Variants in ABCB6 observed in about 807,000 individuals in gnomAD.
The protein encoded by ABCB6 is ATP binding cassette subfamily B member 6 (LAN blood group).
In ABCB6, 87 loss-of-function variants were observed where a neutral mutation model predicts 99.4. The observed-to-expected ratio is 0.88, with a 90% CI of 0.74 to 1.05. The LOEUF (loss-of-function observed/expected upper bound fraction) is 1.05, where lower values mean the gene tolerates loss of function less well. Ranked by LOEUF, ABCB6 falls within the 50% of genes least tolerant of loss-of-function variation. ABCB6 has a pLI of 0.00. For missense variants in ABCB6, 1,050 were observed against 1,097.9 expected, an observed-to-expected ratio of 0.96 and a Z score of 0.62; for synonymous variants, 482 against 447.5, an observed-to-expected ratio of 1.08 and a Z score of -0.97.
chr2:219,216,561 C>T lies in ABCB6; in HGVS notation c.868+91G>A, dbSNP rs192418113. 7.2e-5 allele frequency: 111 copies of T among 1,538,702 alleles called. No individual in the cohort carries two copies. In the African/African-American group the frequency reaches 1.2e-3, roughly 16 times the overall value. ...CCAGCCACAGTCTCTTTCTGACCACCCAGCTCTGTCCCACCTCCCTAGGTA... is the reference window on the plus strand; with the variant it reads ...CCAGCCACAGTCTCTTTCTGACCACTCAGCTCTGTCCCACCTCCCTAGGTA... On this transcript the variant is annotated intron_variant, in intron 3 of 18. Coordinates refer to ENST00000265316, the MANE Select transcript of ABCB6 (RefSeq NM_005689.4). This position sits in a 1 kb window ranked among gnomAD's most constrained non-coding sequence, Gnocchi z 4.2.
Position 219,213,263 on chromosome 2 carries a change from C to G in ABCB6, c.1783G>C (p.Val595Leu), listed in dbSNP as rs190137939. The change falls in exon 12 of 19, where the codon GTG becomes CTG. Residue 595 changes from valine (V) to leucine (L), a missense_variant. Transcript: ENST00000265316. ...CACCCATCGGCATAGCTGAAGTGCA[C>G]GTTCTCAAACTCAATACGGCCCTTC... ...FQKGRIEFEN[V>L]HFSYADGRET... The G allele has an allele frequency of 1.9e-6, 3 of 1,614,162 alleles. No individual in the cohort carries two copies. Among genetic ancestry groups the G allele is most frequent in the African/African-American group, 2.7e-5 (2 of 75,058 alleles).
chr2:219,214,894 G>A (rs1052481132), intron 6 of ABCB6, 67 bp downstream of exon 6: 7 of 1,598,938 alleles, frequency 4.4e-6, no homozygotes, highest in Non-Finnish European at 6.0e-6. Context: ...CTTGAGTGGG[G>A]GCACAGCTCA....
At chr2:219,213,143 C>T in intron 12 of ABCB6, 78 bp from the exon 13 acceptor site, 1 of 1,604,040 alleles carries the variant, frequency 6.2e-7, no homozygotes, top group Non-Finnish European at 8.5e-7. Flanking sequence ...CTCCCCTGCC[C>T]AGGCTCTTTT....
In ABCB6 at chr2:219,210,727, A is replaced by C; in HGVS notation, c.2240T>G (p.Ile747Ser). Reference sequence around the variant, plus strand: ...AGGGCGCACCTCATCCAGCAGAATGATGCCCGGAGCCTTGAGGATGGTGCG... The same window carrying C: ...AGGGCGCACCTCATCCAGCAGAATGCTGCCCGGAGCCTTGAGGATGGTGCG... ...IARTILKAPG[I>S]ILLDEATSAL... Residue 747 changes from isoleucine to serine, a missense_variant, in exon 16 of 19, where the codon ATC becomes AGC. Ile to Ser is a moderately radical substitution (Grantham distance 142). Coordinates refer to ENST00000265316, the MANE Select transcript of ABCB6 (RefSeq NM_005689.4). 1.2e-6 allele frequency: 2 copies of C among 1,613,680 alleles called. No homozygotes were observed. Among genetic ancestry groups the C allele is most frequent in the Non-Finnish European group, 1.7e-6 (2 of 1,180,008 alleles).
At chr2:219,217,920 TAAAAAA>T in intron 1 of ABCB6, 113 bp from the exon 2 acceptor site, 1 of 1,184,588 alleles carries the variant, frequency 8.4e-7, no homozygotes. Context: ...CTTACAGGCT[TAAAAAA>T]AAAAAAAAAA....
chr2:219,216,053 T>C lies in ABCB6; in HGVS notation c.1098A>G (p.Thr366=), dbSNP rs1300941931. 5.6e-6 allele frequency: 9 copies of C among 1,607,824 alleles called. No individual in the cohort carries two copies. The African/African-American group carries it at 8.0e-5, about 14-fold the overall frequency. ...LSLRWHLGRR[T]GEVLRIADRG... ...GATCCGCGATCCGCAGCACCTCCCC[T>C]GTGCGGCGCCCCAGGTGCCAGCGCA... Residue 366 remains threonine (T), a synonymous_variant, in exon 5 of 19, where the codon ACA becomes ACG. Coordinates refer to ENST00000265316, the MANE Select transcript of ABCB6 (RefSeq NM_005689.4). This position sits in a 1 kb window ranked among gnomAD's most constrained non-coding sequence, Gnocchi z 4.2.
chr2:219,214,019 C>T, intron 8 of ABCB6, 68 bp from the exon 9 acceptor site: 1 of 1,612,818 alleles, frequency 6.2e-7, no homozygotes, highest in South Asian at 1.1e-5. Flanking sequence ...CAAACCTGGG[C>T]CCAGGCCCCT....
chr2:219,218,148 C>G lies in ABCB6; in HGVS notation c.526G>C (p.Ala176Pro), dbSNP rs1410216292. Residue 176 changes from alanine (A) to proline (P), a missense_variant, in exon 1 of 19, where the codon GCA becomes CCA. By Grantham distance (27) the Ala-to-Pro change is conservative (BLOSUM62 -1). Transcript: ENST00000265316. The stretch of plus-strand genomic sequence containing the variant: ...ACCTGCTGGCCCAAGTCTGCCCTTG[C>G]CCACCACCACTGTGGGCTGTTCCAA... Reference protein sequence around the residue: ...VSWNSPQWWWARADLGQQVQF... With the variant: ...VSWNSPQWWWPRADLGQQVQF... The G allele has an allele frequency of 1.2e-6, 2 of 1,609,408 alleles. No individual in the cohort carries two copies. The highest frequency in any genetic ancestry group is 1.7e-6 in the Non-Finnish European group (2 of 1,178,066).
intron 15 of ABCB6, 25 bp downstream of exon 15, chr2:219,210,909 G>A (rs775148283): frequency 2.5e-6 from 4 of 1,613,728 alleles, no homozygotes; most frequent in African/African-American, 2.7e-5. Context: ...GAGGGGAGGG[G>A]ACTCTCTGCA....
chr2:219,217,920 T>TAA (rs373957284), intron 1 of ABCB6, 113 bp from the exon 2 acceptor site: 1,369 of 1,181,534 alleles, frequency 1.2e-3, no homozygotes, highest in South Asian at 2.1e-3. Flanking sequence ...CTTACAGGCT[T>TAA]AAAAAAAAAA....
In ABCB6 at chr2:219,213,448, C is replaced by T; in HGVS notation, c.1710G>A (p.Glu570=). 1 of 1,614,182 alleles carries T rather than the reference C, an allele frequency of 6.2e-7. No individual in the cohort carries two copies. Among genetic ancestry groups the T allele is most frequent in the Non-Finnish European group, 8.5e-7 (1 of 1,179,990 alleles). The change falls in exon 11 of 19, where the codon GAG becomes GAA. Residue 570 remains glutamate (E), a synonymous_variant. Coordinates refer to ENST00000265316, the MANE Select transcript of ABCB6 (RefSeq NM_005689.4). ...CTCTCCCTTCGCTCACTTCTGTCTC[C>T]TCTTTCAGCAAGTCAAACATGTTCT... The part of the protein sequence containing the change: ...DMENMFDLLK[E]ETEVKDLPGA...
rs1950672234 is a variant in ABCB6 at position 219,218,277 on chromosome 2, G to A, written c.397C>T (p.Arg133Trp). 6 of 1,613,152 alleles carry A rather than the reference G, an allele frequency of 3.7e-6. No individual in the cohort carries two copies. The highest frequency in any genetic ancestry group is 4.2e-6 in the Non-Finnish European group (5 of 1,180,050). The change falls in exon 1 of 19, where the codon CGG (arginine) becomes TGG (tryptophan). Residue 133 changes from arginine to tryptophan, a missense_variant. By Grantham distance (101) the Arg-to-Trp change is moderately radical. Coordinates refer to ENST00000265316, the MANE Select transcript of ABCB6 (RefSeq NM_005689.4). ...CAGATGCCCATTGCCAGACGCTGCCGTGCCTGGCTCCGCTCCACGACAAGC... is the reference window on the plus strand; with the variant it reads ...CAGATGCCCATTGCCAGACGCTGCCATGCCTGGCTCCGCTCCACGACAAGC... ...WLLVVERSQA[R>W]QRLAMGIWIK...
In ABCB6 at chr2:219,217,669, C is replaced by T. The variant is rs1950659857; in HGVS notation, c.687+1G>A. On this transcript the variant is annotated splice_donor_variant, in intron 2 of 18. Transcript: ENST00000265316. LOFTEE classifies it high-confidence loss of function. ...AAAAAAAAAAAGAAACTGAGGTGTA[C>T]CTGGCTCCTTTCCACATCTTGGTCC... 1 of 1,597,008 alleles carries T rather than the reference C, an allele frequency of 6.3e-7. No homozygotes were observed. Among genetic ancestry groups the T allele is most frequent in the Non-Finnish European group, 8.5e-7 (1 of 1,174,178 alleles).
intron 7 of ABCB6, 94 bp downstream of exon 7, chr2:219,214,295 A>G: frequency 6.8e-7 from 1 of 1,470,494 alleles, no homozygotes; most frequent in South Asian, 1.1e-5. Flanking sequence ...ACACACAAAC[A>G]TCACACCCCC....
Position 219,216,433 on chromosome 2 carries a change from A to C in ABCB6, c.901T>G (p.Ser301Ala). The C allele has an allele frequency of 6.2e-7, 1 of 1,614,062 alleles. No individual in the cohort carries two copies. The highest frequency in any genetic ancestry group is 8.5e-7 in the Non-Finnish European group (1 of 1,179,980). ...NLLTEKAPWN[S>A]LAWTVTSYVF... ...TAACTGGTAACAGTCCAGGCCAGAG[A>C]GTTCCAAGGTGCCTTCTCAGTCAGC... Residue 301 changes from serine (S) to alanine (A), a missense_variant, in exon 4 of 19, where the codon TCT (serine) becomes GCT (alanine). Coordinates refer to ENST00000265316, the MANE Select transcript of ABCB6 (RefSeq NM_005689.4). The surrounding 1 kb of genome is among the most constrained non-coding windows in gnomAD (Gnocchi z 4.2).
Position 219,215,058 on chromosome 2 carries a change from G to A in ABCB6, c.1179C>T (p.Pro393=), listed in dbSNP as rs1292459044. The A allele has an allele frequency of 6.2e-7, 1 of 1,614,148 alleles. No individual in the cohort carries two copies. Among genetic ancestry groups the A allele is most frequent in the Non-Finnish European group, 8.5e-7 (1 of 1,180,020 alleles). ...TGCCAATGATGATGTCGGCCAGCGT[G>A]GGGATGACATTGAACACCAGGTAGC... The part of the protein sequence containing the change: ...LLSYLVFNVI[P]TLADIIIGII... Residue 393 remains proline (P), a synonymous_variant, in exon 6 of 19, where the codon CCC becomes CCT. Coordinates refer to ENST00000265316, the MANE Select transcript of ABCB6 (RefSeq NM_005689.4).
Position 219,213,594 on chromosome 2 carries a change from A to T in ABCB6, c.1651T>A (p.Tyr551Asn). ...GAGGGCCAGGGCTCAGATTACCTGT[A>T]GTAGGTGCCAAACCAATTGAGGGGC... is the stretch of plus-strand genomic sequence containing the variant. ...YMPLNWFGTY[Y>N]RMIQTNFIDM... Residue 551 changes from tyrosine (Y) to asparagine (N), a missense_variant, in exon 10 of 19, where the codon TAC (tyrosine) becomes AAC (asparagine). Physicochemically the swap from Tyr to Asn is moderately radical, Grantham distance 143 (BLOSUM62 -2). Coordinates refer to ENST00000265316, the MANE Select transcript of ABCB6 (RefSeq NM_005689.4). 5 of 1,614,180 alleles carry T rather than the reference A, an allele frequency of 3.1e-6. No individual in the cohort carries two copies. Among genetic ancestry groups the T allele is most frequent in the Non-Finnish European group, 4.2e-6 (5 of 1,180,022 alleles).
At chr2:219,215,952 T>C in intron 5 of ABCB6, 45 bp downstream of exon 5, 1 of 1,493,824 alleles carries the variant, frequency 6.7e-7, no homozygotes, top group Non-Finnish European at 8.9e-7. Context: ...TATCCCTGCT[T>C]CTCCGGCTCC....
chr2:219,213,280 C>G lies in ABCB6; in HGVS notation c.1766G>C (p.Arg589Pro). ...GAAGTGCACGTTCTCAAACTCAATA[C>G]GGCCCTTCTGAAAGCGAAGGGGCCC... ...GAGPLRFQKG[R>P]IEFENVHFSY... Residue 589 changes from arginine (R) to proline (P), a missense_variant, in exon 12 of 19, where the codon CGT (arginine) becomes CCT (proline). By Grantham distance (103) the Arg-to-Pro change is moderately radical. Transcript: ENST00000265316. 1 of 1,614,162 alleles carries G rather than the reference C, an allele frequency of 6.2e-7. No homozygotes were observed. The highest frequency in any genetic ancestry group is 8.5e-7 in the Non-Finnish European group (1 of 1,180,040).
Sources: allele counts gnomAD v4.1 joint callset, GRCh38; gene constraint gnomAD v4.1.1; non-coding constraint Gnocchi (gnomAD v3.1); transcripts MANE v1.5; gene names NCBI Gene and HGNC (gene_info 2026-07-23, HGNC 2026-07-21).